WWOX: variants seen among roughly 807,000 people sequenced by gnomAD.
WWOX encodes WW domain-containing oxidoreductase.
WWOX carries 69 observed loss-of-function variants against 46.2 expected under a neutral mutation model. The observed-to-expected ratio is 1.49, with a 90% CI of 1.23 to 1.82. The LOEUF (loss-of-function observed/expected upper bound fraction) is 1.82. WWOX is among the 40% of genes most tolerant of loss of function. The pLI, the probability that WWOX is intolerant of heterozygous loss-of-function variation, is 0.00. For synonymous variants in WWOX, 359 were observed against 202.6 expected (o/e 1.77, Z -6.56); for missense variants, 919 against 542.6 (o/e 1.69, Z -6.89).
chr16:78,889,150 C>T (rs2044532701), intron 8 of WWOX, among the ~76,000 whole-genome samples: 1 of 152,122 alleles, frequency 6.6e-6, no homozygotes, highest in African/African-American at 2.4e-5. Flanking sequence ...AGGAATACGG[C>T]TTAATAATAA....
chr16:78,458,836 G>GGTT (rs1289461501), intron 8 of WWOX, among the ~76,000 whole-genome samples: 1 of 152,062 alleles, frequency 6.6e-6, no homozygotes, highest in Non-Finnish European at 1.5e-5. Flanking sequence ...AGCATGTAGA[G>GGTT]GTTGGCAAAG....
rs575428918 is a variant in WWOX, at chr16:78,696,766, G to C, written c.1056+264014G>C. Among the ~76,000 whole-genome samples the C allele has an allele frequency of 3.3e-5, 5 of 152,086 alleles. No homozygotes were observed. The East Asian group carries it at 5.8e-4, about 18-fold the overall frequency. On this transcript the variant is annotated intron_variant, in intron 8 of 8. Coordinates refer to ENST00000566780, the MANE Select transcript of WWOX (RefSeq NM_016373.4). ...CGAGACTTTGGTGCACCCATCACTC[G>C]AGCAGTATACACTGCATCCAGTTTG...
At chr16:78,246,828 A>G (rs1303910973) in intron 5 of WWOX, among the ~76,000 whole-genome samples, 1 of 152,054 alleles carries the variant, frequency 6.6e-6, no homozygotes, top group Non-Finnish European at 1.5e-5. Flanking sequence ...AAGTGCGAGC[A>G]ATTGATCAGC....
chr16:78,296,805 T>C lies in WWOX; in HGVS notation c.517-90055T>C, dbSNP rs1185828097. Among the ~76,000 whole-genome samples the C allele has an allele frequency of 2.6e-5, 4 of 152,196 alleles. No individual in the cohort carries two copies. In the East Asian group the frequency reaches 5.8e-4, roughly 22 times the overall value. On this transcript the variant is annotated intron_variant, in intron 5 of 8. Coordinates refer to ENST00000566780, the MANE Select transcript of WWOX (RefSeq NM_016373.4). ...GCTTTGTTATTATTTAGTTTAGGAA[T>C]TGATGCACCTAAAGGAGTTTTGAGA...
In WWOX at chr16:78,922,380, A is replaced by ATT. The variant is rs33954701; in HGVS notation, c.1057-289213_1057-289212dup. 6.8e-3 allele frequency among the ~76,000 whole-genome samples: 933 copies of ATT among 137,492 alleles called. 11 individuals are homozygous for ATT. Among genetic ancestry groups the ATT allele is most frequent in the African/African-American group, 0.022 (852 of 38,040 alleles). The allele number at this position is 137,492 out of a possible 152,430, so 90.2% of individuals were successfully genotyped here. A position where few individuals can be genotyped will look rare whatever the true frequency, so the allele number is the denominator to read the frequency against. ...AATATATTCTGCATATATTTCAGTG[A>ATT]TTTTTTTTTTTTTTTTGAGACAGTC... On this transcript the variant is annotated intron_variant, in intron 8 of 8. Coordinates refer to ENST00000566780, the MANE Select transcript of WWOX (RefSeq NM_016373.4).
At chr16:78,928,883 G>T (rs141405850) in intron 8 of WWOX, among the ~76,000 whole-genome samples, 1 of 152,074 alleles carries the variant, frequency 6.6e-6, no homozygotes, top group Non-Finnish European at 1.5e-5. Flanking sequence ...GGCTTCCTTC[G>T]AGTTAAATTT....
chr16:78,670,187 A>C (rs926466004), intron 8 of WWOX, among the ~76,000 whole-genome samples: 1 of 152,158 alleles, frequency 6.6e-6, no homozygotes, highest in Non-Finnish European at 1.5e-5. Context: ...TTTCACCAGC[A>C]GGTCCAGCTC....
chr16:78,578,255 TATATA>T (rs1567657255), intron 8 of WWOX, among the ~76,000 whole-genome samples: 1 of 24,016 alleles, frequency 4.2e-5, no homozygotes, highest in Non-Finnish European at 8.6e-5. Flanking sequence ...TACCAAATTT[TATATA>T]TATATATATA....
At chr16:78,765,809 C>T (rs1326516724) in intron 8 of WWOX, among the ~76,000 whole-genome samples, 1 of 152,176 alleles carries the variant, frequency 6.6e-6, no homozygotes, top group Non-Finnish European at 1.5e-5. Context: ...GAACTCATCG[C>T]ACTATTTCTG....
intron 8 of WWOX, among the ~76,000 whole-genome samples, chr16:78,895,170 T>C (rs915584854): frequency 6.6e-6 from 1 of 152,234 alleles, no homozygotes; most frequent in Non-Finnish European, 1.5e-5. Flanking sequence ...TCAAAGTTGA[T>C]AGCATCAACG....
At chr16:78,807,059 A>T (rs896809735) in intron 8 of WWOX, among the ~76,000 whole-genome samples, 4 of 152,182 alleles carry the variant, frequency 2.6e-5, no homozygotes, top group African/African-American at 9.6e-5. Context: ...AAAATCTGTA[A>T]TTTGTGCAAG....
chr16:79,212,214 A>G lies in WWOX; in HGVS notation c.*418A>G, dbSNP rs1017188049. The G allele has an allele frequency of 4.5e-5, 65 of 1,437,608 alleles. No homozygotes were observed. Among genetic ancestry groups the G allele is most frequent in the Non-Finnish European group, 5.5e-5 (60 of 1,098,380 alleles). 89.1% of individuals were successfully genotyped at this position (1,437,608 alleles called of 1,614,324 possible). A position where few individuals can be genotyped will look rare whatever the true frequency, so the allele number is the denominator to read the frequency against. ...GCCTTCTCCTACTTAGGGAAGAAAA[A>G]GCAAGTGTTCACTGCTCCTTGCTGC... On this transcript the variant is annotated 3_prime_UTR_variant, in exon 9 of 9. Coordinates refer to ENST00000566780, the MANE Select transcript of WWOX (RefSeq NM_016373.4).
chr16:79,190,500 G>C (rs935049825), intron 8 of WWOX, among the ~76,000 whole-genome samples: 3 of 152,172 alleles, frequency 2.0e-5, no homozygotes, highest in Admixed American at 6.5e-5. Context: ...GGCCCCAAGA[G>C]AGAGGCCTCA....
chr16:78,991,569 C>G (rs959291755), intron 8 of WWOX, among the ~76,000 whole-genome samples: 2 of 123,392 alleles, frequency 1.6e-5, no homozygotes, highest in Middle Eastern at 6.0e-3. Context: ...CCACTGCACT[C>G]CAGACTGGGA....
intron 5 of WWOX, among the ~76,000 whole-genome samples, chr16:78,190,272 C>G (rs929671613): frequency 6.6e-6 from 1 of 152,126 alleles, no homozygotes; most frequent in African/African-American, 2.4e-5. Context: ...GCTGCTAGCG[C>G]TTAGTTTCCT....
rs191379200 is a variant in WWOX, at chr16:78,567,618, G to A, written c.1056+134866G>A. Among the ~76,000 whole-genome samples, 439 of 149,480 alleles carry A rather than the reference G, an allele frequency of 2.9e-3. 16 individuals are homozygous for A. The highest frequency in any genetic ancestry group is 0.025 in the Admixed American group (377 of 14,952). On this transcript the variant is annotated intron_variant, in intron 8 of 8. Coordinates refer to ENST00000566780, the MANE Select transcript of WWOX (RefSeq NM_016373.4). The stretch of plus-strand genomic sequence containing the variant: ...TGTATTCTGAAAGGTTCCCAAGCTC[G>A]CCGCAGCCTGCTATTGTATTTAAAG...
chr16:78,674,699 C>G lies in WWOX; in HGVS notation c.1056+241947C>G, dbSNP rs143249381. On this transcript the variant is annotated intron_variant, in intron 8 of 8. Transcript: ENST00000566780. ...AACCTGTTTTAAAATACTTATTAAA[C>G]AAAGAAAAATAAACAAGAACAAATG... is the stretch of plus-strand genomic sequence containing the variant. Among the ~76,000 whole-genome samples the G allele has an allele frequency of 2.2e-3, 334 of 152,142 alleles. 1 individual carries two copies. The highest frequency in any genetic ancestry group is 7.7e-3 in the African/African-American group (318 of 41,504).
At chr16:78,928,359 CG>C in intron 8 of WWOX, among the ~76,000 whole-genome samples, 1 of 151,746 alleles carries the variant, frequency 6.6e-6, no homozygotes, top group East Asian at 1.9e-4. Context: ...CCCGCTACCA[CG>C]CCCGGCTAAT....
In WWOX at chr16:78,340,012, T is replaced by G. The variant is rs1440469033; in HGVS notation, c.517-46848T>G. ...ATAGTTCTTCTAGTCTTTCCATGGA[T>G]TTGGTGGGGGGGGGGGGGACGTTTC... On this transcript the variant is annotated intron_variant, in intron 5 of 8. Coordinates refer to ENST00000566780, the MANE Select transcript of WWOX (RefSeq NM_016373.4). 1.3e-4 allele frequency among the ~76,000 whole-genome samples: 2 copies of G among 15,718 alleles called. 1 individual carries two copies. 10.3% of individuals were successfully genotyped at this position (15,718 alleles called of 152,430 possible).
Sources: gnomAD v4.1 joint callset for allele counts (sites outside exome capture counted in the v4.1 genomes callset) on GRCh38, gnomAD v4.1.1 for gene constraint, MANE v1.5 for transcripts, NCBI Gene and HGNC (gene_info 2026-07-23, HGNC 2026-07-21) for gene names.